Variants in CBL observed in about 807,000 individuals in gnomAD.
The protein encoded by CBL is Cbl proto-oncogene.
A neutral mutation model predicts 96.9 loss-of-function variants in CBL; 45 were observed. The observed-to-expected ratio is 0.46, with a 90% CI of 0.37 to 0.60. CBL has a LOEUF of 0.60. Among genes scored for constraint, CBL ranks in the 20% least tolerant of loss-of-function variants. The pLI is 0.00. For synonymous variants in CBL, 420 were observed against 426.8 expected (o/e 0.98, Z 0.20); for missense variants, 1,024 against 1,143.5 (o/e 0.90, Z 1.51).
chr11:119,298,374 C>A lies in CBL; in HGVS notation c.2268C>A (p.Ala756=), dbSNP rs142564074. 1 of 1,614,086 alleles carries A rather than the reference C, an allele frequency of 6.2e-7. No individual in the cohort carries two copies. Among genetic ancestry groups the A allele is most frequent in the Non-Finnish European group, 8.5e-7 (1 of 1,179,988 alleles). ...TTTCTCCAGGTGAAGGGAATTTGGC[C>A]GCAGCCCATGCCAACACTGGTCCCG... The part of the protein sequence containing the change: ...ESSTFGEGNL[A]AAHANTGPEE... Residue 756 remains alanine, a synonymous_variant, in exon 15 of 16, where the codon GCC becomes GCA. Transcript: ENST00000264033.
intron 9 of CBL, among the ~76,000 whole-genome samples, chr11:119,282,211 G>T (rs1949941061): frequency 6.6e-6 from 1 of 151,808 alleles, no homozygotes; most frequent in Admixed American, 6.6e-5. Flanking sequence ...GGTGGCGCAT[G>T]CCTATAATCC....
At chr11:119,210,612 T>C (rs1949308687) in intron 1 of CBL, among the ~76,000 whole-genome samples, 1 of 146,330 alleles carries the variant, frequency 6.8e-6, no homozygotes, top group African/African-American at 2.5e-5. Flanking sequence ...AATTTTTTTT[T>C]TTTTTTTTTT....
chr11:119,257,782 CA>C (rs1949722284), intron 2 of CBL, among the ~76,000 whole-genome samples: 1 of 152,158 alleles, frequency 6.6e-6, no homozygotes, highest in Non-Finnish European at 1.5e-5. Context: ...GCAGTTTTCC[CA>C]GCACCATTTA....
intron 2 of CBL, among the ~76,000 whole-genome samples, chr11:119,264,455 C>CTCTTT (rs1565868438): frequency 1.4e-5 from 2 of 139,390 alleles, no homozygotes; most frequent in African/African-American, 5.4e-5. Flanking sequence ...CTCTTCTCTT[C>CTCTTT]TCTTCTCTTT....
At chr11:119,275,886 A>G in intron 5 of CBL, 111 bp from the exon 6 acceptor site, 1 of 1,083,654 alleles carries the variant, frequency 9.2e-7, no homozygotes, top group Non-Finnish European at 1.4e-6. Flanking sequence ...AGAAAGGAAG[A>G]AAGTTATTGT....
At chr11:119,246,666 G>A (rs1190272928) in intron 2 of CBL, among the ~76,000 whole-genome samples, 1 of 152,050 alleles carries the variant, frequency 6.6e-6, no homozygotes, top group Non-Finnish European at 1.5e-5. Flanking sequence ...TGGCCAGGCT[G>A]GTCTTGAACT....
intron 2 of CBL, among the ~76,000 whole-genome samples, chr11:119,269,173 A>G (rs1020448527): frequency 6.6e-6 from 1 of 151,646 alleles, no homozygotes; most frequent in African/African-American, 2.4e-5. Context: ...TAGAAATTCT[A>G]TTAAACAATA....
intron 2 of CBL, among the ~76,000 whole-genome samples, chr11:119,268,082 G>A (rs760403384): frequency 6.6e-6 from 1 of 152,220 alleles, no homozygotes; most frequent in Non-Finnish European, 1.5e-5. Context: ...TAAGAAGTTA[G>A]TTAGAAAGAT....
intron 2 of CBL, among the ~76,000 whole-genome samples, chr11:119,260,348 A>G (rs538946914): frequency 3.4e-4 from 51 of 151,544 alleles, no homozygotes; most frequent in Admixed American, 9.9e-4. Flanking sequence ...GGTTCAATCA[A>G]TTCTCCTGCC....
chr11:119,269,288 C>A (rs1304992879), intron 2 of CBL, among the ~76,000 whole-genome samples: 1 of 142,334 alleles, frequency 7.0e-6, no homozygotes, highest in Non-Finnish European at 1.5e-5. Flanking sequence ...ACTCTGTCGT[C>A]CAGGCTGGAG....
chr11:119,217,743 GTTC>G (rs1434543908), intron 1 of CBL, among the ~76,000 whole-genome samples: 2 of 151,642 alleles, frequency 1.3e-5, no homozygotes, highest in African/African-American at 4.8e-5. Context: ...TAATTATGAT[GTTC>G]TTCAACTATG....
intron 4 of CBL, 64 bp from the exon 5 acceptor site, chr11:119,274,768 C>G (rs1477471073): frequency 7.2e-7 from 1 of 1,384,218 alleles, no homozygotes. Flanking sequence ...TTTTTTTTCT[C>G]ATTGCCCTCT....
At chr11:119,263,877 C>T (rs777161964) in intron 2 of CBL, among the ~76,000 whole-genome samples, 10 of 152,184 alleles carry the variant, frequency 6.6e-5, no homozygotes, top group Non-Finnish European at 1.2e-4. Context: ...TATAAGGTTT[C>T]TGGAGTTTAT....
chr11:119,230,414 A>G (rs1347747803), intron 1 of CBL, among the ~76,000 whole-genome samples: 1 of 152,176 alleles, frequency 6.6e-6, no homozygotes, highest in Non-Finnish European at 1.5e-5. Context: ...TGCTGGGATT[A>G]CAAGCGTGAG....
chr11:119,299,834 C>T lies in CBL; in HGVS notation c.*53C>T, dbSNP rs1950089820. 1.1e-5 allele frequency: 17 copies of T among 1,577,640 alleles called. No homozygotes were observed. The highest frequency in any genetic ancestry group is 1.5e-5 in the Non-Finnish European group (17 of 1,151,622). On this transcript the variant is annotated 3_prime_UTR_variant, in exon 16 of 16. Coordinates refer to ENST00000264033, the MANE Select transcript of CBL (RefSeq NM_005188.4). ...AGGACCAGTGAGTTGGGAGTTATTACTCAAGTGGCACCTAGAAGGGCAGGA... is the reference window on the plus strand; with the variant it reads ...AGGACCAGTGAGTTGGGAGTTATTATTCAAGTGGCACCTAGAAGGGCAGGA...
At chr11:119,246,121 C>T (rs529061390) in intron 2 of CBL, among the ~76,000 whole-genome samples, 7 of 149,358 alleles carry the variant, frequency 4.7e-5, no homozygotes, top group Non-Finnish European at 7.5e-5. Context: ...ACTACAGGCG[C>T]GCGCCACCAT....
chr11:119,299,737 C>T lies in CBL; in HGVS notation c.2677C>T (p.Arg893Trp), dbSNP rs368138875. 12 of 1,614,070 alleles carry T rather than the reference C, an allele frequency of 7.4e-6. No individual in the cohort carries two copies. Among genetic ancestry groups the T allele is most frequent in the African/African-American group, 2.7e-5 (2 of 74,912 alleles). Residue 893 changes from arginine (R) to tryptophan (W), a missense_variant, in exon 16 of 16, where the codon CGG becomes TGG. By Grantham distance (101) the Arg-to-Trp change is moderately radical (BLOSUM62 -3). Transcript: ENST00000264033. Reference protein sequence around the residue: ...NNIEMAKNILREFVSISSPAH... With the variant: ...NNIEMAKNILWEFVSISSPAH... ...CATCGAGATGGCCAAAAACATCCTC[C>T]GGGAATTTGTTTCCATTTCTTCTCC...
intron 12 of CBL, among the ~76,000 whole-genome samples, chr11:119,294,109 G>A (rs1950047811): frequency 6.6e-6 from 1 of 152,156 alleles, no homozygotes; most frequent in Non-Finnish European, 1.5e-5. Flanking sequence ...GTATTTTATG[G>A]ACTTTATTAA....
chr11:119,240,806 C>T (rs954793733), intron 2 of CBL, among the ~76,000 whole-genome samples: 6 of 152,158 alleles, frequency 3.9e-5, no homozygotes, highest in Admixed American at 1.3e-4. Flanking sequence ...GGTGCAGTGG[C>T]TCATGCCTGT....
Sources: gnomAD v4.1 joint callset for allele counts (sites outside exome capture counted in the v4.1 genomes callset) on GRCh38, gnomAD v4.1.1 for gene constraint, MANE v1.5 for transcripts, NCBI Gene and HGNC (gene_info 2026-07-23, HGNC 2026-07-21) for gene names.